Variants in GALNT11 observed in about 807,000 individuals in gnomAD.
The protein encoded by GALNT11 is UDP-GalNAc:polypeptide N-acetylgalactosaminyltransferase 11.
A neutral mutation model predicts 72.7 loss-of-function variants in GALNT11; 47 were observed. The ratio of observed to expected loss-of-function variants is 0.65; its 90% confidence interval spans 0.51 to 0.82. GALNT11 has a LOEUF of 0.82. GALNT11 is among the 40% of genes least tolerant of loss of function. The probability of loss-of-function intolerance (pLI) is 0.00; values close to 1 mark genes in which losing one functional copy is unlikely to be tolerated. For synonymous variants in GALNT11, 270 were observed against 286.6 expected, an observed-to-expected ratio of 0.94 and a Z score of 0.58; for missense variants, 677 against 778.4, an observed-to-expected ratio of 0.87 and a Z score of 1.55.
intron 1 of GALNT11, among the ~76,000 whole-genome samples, chr7:152,056,093 A>G (rs2083663197): frequency 6.6e-6 from 1 of 152,118 alleles, no homozygotes; most frequent in South Asian, 2.1e-4. Context: ...TCATACAGTA[A>G]GTAAGCTTTT....
At chr7:152,086,695 C>T (rs2085668187) in intron 1 of GALNT11, among the ~76,000 whole-genome samples, 1 of 152,170 alleles carries the variant, frequency 6.6e-6, no homozygotes, top group Non-Finnish European at 1.5e-5. Context: ...CCCTTAGGTG[C>T]TGGCAGGTAG....
At chr7:152,046,563 CTT>C (rs976327489) in intron 1 of GALNT11, among the ~76,000 whole-genome samples, 1 of 152,034 alleles carries the variant, frequency 6.6e-6, no homozygotes, top group Non-Finnish European at 1.5e-5. Context: ...GACCTTGTCT[CTT>C]TATAGTTTTT....
chr7:152,105,302 A>G lies in GALNT11; in HGVS notation c.644A>G (p.Lys215Arg), dbSNP rs758745802. ...YVQKYLPGKI[K>R]VIRNTKREGL... ...CAAAAATACCTCCCTGGAAAAATTA[A>G]AGTCATAAGAAATACAAAGCGTGAG... Residue 215 changes from lysine to arginine, a missense_variant, in exon 5 of 12, where the codon AAA (lysine) becomes AGA (arginine). Physicochemically the swap from Lys to Arg is conservative, Grantham distance 26 (BLOSUM62 2). Transcript: ENST00000430044. 10 of 1,614,124 alleles carry G rather than the reference A, an allele frequency of 6.2e-6. No individual in the cohort carries two copies. Among genetic ancestry groups the G allele is most frequent in the Non-Finnish European group, 8.5e-6 (10 of 1,179,998 alleles).
At chr7:152,077,117 T>C (rs1449833553) in intron 1 of GALNT11, among the ~76,000 whole-genome samples, 1 of 152,172 alleles carries the variant, frequency 6.6e-6, no homozygotes, top group Non-Finnish European at 1.5e-5. Flanking sequence ...TCTGTCACAG[T>C]TTGATTTGCT....
chr7:152,064,966 G>A lies in GALNT11; in HGVS notation c.-38-29224G>A, dbSNP rs1313118712. Among the ~76,000 whole-genome samples, 9 of 152,198 alleles carry A rather than the reference G, an allele frequency of 5.9e-5. No individual in the cohort carries two copies. The East Asian group carries it at 1.2e-3, about 20-fold the overall frequency. On this transcript the variant is annotated intron_variant, in intron 1 of 11. Coordinates refer to ENST00000430044, the MANE Select transcript of GALNT11 (RefSeq NM_022087.4). ...TCTTCTCAAGGAGTATCTTTGTGGC[G>A]TTCTCTGTATTTCCTGAATTTGAAT...
intron 2 of GALNT11, 71 bp from the exon 3 acceptor site, chr7:152,100,727 A>C (rs1356785349): frequency 3.9e-6 from 6 of 1,557,912 alleles, no homozygotes; most frequent in Non-Finnish European, 5.3e-6. Flanking sequence ...TTTTCTTAAG[A>C]TCATAATATC....
intron 1 of GALNT11, among the ~76,000 whole-genome samples, chr7:152,032,179 G>A (rs1031496421): frequency 1.3e-5 from 2 of 152,188 alleles, no homozygotes; most frequent in African/African-American, 2.4e-5. Flanking sequence ...GGACCAGAGT[G>A]CCTGGACTTG....
At chr7:152,060,298 A>T (rs1049546798) in intron 1 of GALNT11, among the ~76,000 whole-genome samples, 1 of 152,182 alleles carries the variant, frequency 6.6e-6, no homozygotes, top group Non-Finnish European at 1.5e-5. Flanking sequence ...CTTTCTCCAT[A>T]TCCGCATTGA....
chr7:152,031,314 T>G (rs1357027163), intron 1 of GALNT11, among the ~76,000 whole-genome samples: 2 of 152,226 alleles, frequency 1.3e-5, no homozygotes, highest in African/African-American at 4.8e-5. Context: ...TCAGGCAGCA[T>G]AAGTCTGGAC....
chr7:152,109,486 A>G (rs1465329685), intron 6 of GALNT11, among the ~76,000 whole-genome samples: 1 of 152,208 alleles, frequency 6.6e-6, no homozygotes. Context: ...ATGTATAAAC[A>G]TGGTTACTTT....
At chr7:152,058,016 G>A (rs2083783336) in intron 1 of GALNT11, among the ~76,000 whole-genome samples, 1 of 152,092 alleles carries the variant, frequency 6.6e-6, no homozygotes, top group African/African-American at 2.4e-5. Flanking sequence ...GCATATGCTG[G>A]TGATACTGTG....
chr7:152,077,367 T>C (rs1197826470), intron 1 of GALNT11, among the ~76,000 whole-genome samples: 1 of 152,214 alleles, frequency 6.6e-6, no homozygotes, highest in Non-Finnish European at 1.5e-5. Context: ...TTTGCCCGGC[T>C]ATTTGCTGTT....
intron 1 of GALNT11, among the ~76,000 whole-genome samples, chr7:152,060,635 C>G (rs2083951032): frequency 6.6e-6 from 1 of 151,936 alleles, no homozygotes; most frequent in East Asian, 1.9e-4. Context: ...CCCTCCACCC[C>G]ACGACAGACC....
chr7:152,072,379 G>A (rs2084707191), intron 1 of GALNT11, among the ~76,000 whole-genome samples: 1 of 150,864 alleles, frequency 6.6e-6, no homozygotes, highest in Admixed American at 6.6e-5. Context: ...CCTCTTCAAA[G>A]CTTCCCCTTT....
chr7:152,111,862 T>C (rs746282834), intron 7 of GALNT11, among the ~76,000 whole-genome samples: 11 of 152,158 alleles, frequency 7.2e-5, no homozygotes, highest in African/African-American at 1.4e-4. Flanking sequence ...TAGCTTCCCA[T>C]TGTACTTTCA....
intron 1 of GALNT11, among the ~76,000 whole-genome samples, chr7:152,038,808 C>T (rs2082710681): frequency 6.6e-6 from 1 of 152,204 alleles, no homozygotes; most frequent in Non-Finnish European, 1.5e-5. Context: ...GCTAATCTGT[C>T]TGCAGCTCCT....
chr7:152,064,351 C>T (rs2084189100), intron 1 of GALNT11, among the ~76,000 whole-genome samples: 1 of 152,172 alleles, frequency 6.6e-6, no homozygotes, highest in Non-Finnish European at 1.5e-5. Flanking sequence ...ATGTGTGTCT[C>T]TGCACATGAG....
chr7:152,080,270 C>T (rs981945531), intron 1 of GALNT11, among the ~76,000 whole-genome samples: 1 of 152,122 alleles, frequency 6.6e-6, no homozygotes, highest in Non-Finnish European at 1.5e-5. Flanking sequence ...ATCCCCTTTG[C>T]TTGTGAGGTT....
intron 1 of GALNT11, among the ~76,000 whole-genome samples, chr7:152,072,445 A>C (rs1426819181): frequency 6.6e-6 from 1 of 152,082 alleles, no homozygotes; most frequent in Non-Finnish European, 1.5e-5. Context: ...CAAGTTTCTT[A>C]TTTTATAGTA....
Sources: allele counts gnomAD v4.1 joint callset (sites outside exome capture counted in the v4.1 genomes callset), GRCh38; gene constraint gnomAD v4.1.1; transcripts MANE v1.5; gene names NCBI Gene and HGNC (gene_info 2026-07-23, HGNC 2026-07-21).